Variants in BLM observed in about 807,000 individuals in gnomAD.
BLM encodes recQ-like DNA helicase BLM.
A neutral mutation model predicts 135.3 loss-of-function variants in BLM; 95 were observed. The observed-to-expected ratio is 0.70, with a 90% confidence interval of 0.59 to 0.83. The LOEUF is 0.83. Among genes scored for constraint, BLM ranks in the 40% least tolerant of loss-of-function variants. BLM has a pLI of 0.00. For synonymous variants in BLM, 520 were observed against 589.2 expected (o/e 0.88, Z 1.70); for missense variants, 1,518 against 1,663.9 (o/e 0.91, Z 1.53).
At chr15:90,725,101 G>A (rs913730862) in intron 1 of BLM, among the ~76,000 whole-genome samples, 39 of 152,196 alleles carry the variant, frequency 2.6e-4, no homozygotes, top group Admixed American at 7.2e-4. Flanking sequence ...TAGAGAGAGC[G>A]TTTTGCCATG....
intron 14 of BLM, among the ~76,000 whole-genome samples, chr15:90,788,479 T>TTTTTTTTTTTTTTTTG (rs1896813137): frequency 4.2e-5 from 6 of 144,476 alleles, no homozygotes; most frequent in African/African-American, 5.1e-5. Flanking sequence ...TTGTTTTTTT[T>TTTTTTTTTTTTTTTTG]TTTTTTTTTT....
chr15:90,782,489 T>G (rs1896641018), intron 12 of BLM, among the ~76,000 whole-genome samples: 1 of 152,206 alleles, frequency 6.6e-6, no homozygotes, highest in South Asian at 2.1e-4. Flanking sequence ...AGAAATTTAT[T>G]TCTCTTGGTT....
chr15:90,737,694 A>G (rs1006195392), intron 1 of BLM, among the ~76,000 whole-genome samples: 4 of 152,222 alleles, frequency 2.6e-5, no homozygotes, highest in Non-Finnish European at 5.9e-5. Context: ...AAGGAAATTT[A>G]TAGCTACAAA....
chr15:90,775,818 A>G (rs1179181556), intron 12 of BLM, among the ~76,000 whole-genome samples: 2 of 152,038 alleles, frequency 1.3e-5, no homozygotes. Context: ...ATAAGCATAC[A>G]TTTTGATTGA....
At chr15:90,774,604 C>T (rs375000672) in intron 12 of BLM, among the ~76,000 whole-genome samples, 8 of 150,858 alleles carry the variant, frequency 5.3e-5, no homozygotes, top group Admixed American at 2.6e-4. Context: ...GTGGCCGAGG[C>T]GGGTGGATCA....
intron 1 of BLM, among the ~76,000 whole-genome samples, chr15:90,731,726 T>C (rs986902050): frequency 6.6e-6 from 1 of 152,152 alleles, no homozygotes; most frequent in Non-Finnish European, 1.5e-5. Flanking sequence ...CGTCTTTCAA[T>C]CTCTTCTTTT....
Position 90,718,089 on chromosome 15 carries a change from C to T in BLM, c.-5+649C>T, listed in dbSNP as rs1894656304. 1.3e-5 allele frequency among the ~76,000 whole-genome samples: 2 copies of T among 152,164 alleles called. 1 individual carries two copies. Among genetic ancestry groups the T allele is most frequent in the Non-Finnish European group, 2.9e-5 (2 of 68,040 alleles). ...CATATGGGGGAAATGGTCTCTTCTA[C>T]TTCCTGGCGTTTTTGTTAGGATTAA... is the stretch of plus-strand genomic sequence containing the variant. On this transcript the variant is annotated intron_variant, in intron 1 of 21. Transcript: ENST00000355112.
At chr15:90,791,538 C>T (rs183754780) in intron 15 of BLM, among the ~76,000 whole-genome samples, 255 of 152,156 alleles carry the variant, frequency 1.7e-3, no homozygotes, top group Admixed American at 2.9e-3. Flanking sequence ...CTAATCCCCT[C>T]TTACTAGATC....
chr15:90,721,050 T>A (rs140953295), intron 1 of BLM, among the ~76,000 whole-genome samples: 1 of 152,346 alleles, frequency 6.6e-6, no homozygotes, highest in East Asian at 1.9e-4. Context: ...AATAAAAATC[T>A]AAATAAATTA....
Position 90,749,518 on chromosome 15 carries a change from C to CAAAGGGTCA in BLM, c.252_260dup (p.Arg85_Lys87dup). The CAAAGGGTCA allele has an allele frequency of 6.2e-7, 1 of 1,614,152 alleles. No homozygotes were observed. Among genetic ancestry groups the CAAAGGGTCA allele is most frequent in the African/African-American group, 1.3e-5 (1 of 75,056 alleles). On this transcript the variant is annotated inframe_insertion, in exon 3 of 22. Transcript: ENST00000355112. ...ACCTCTACCCAACACCACAAATCAG[C>CAAAGGGTCA]AAAGGGTCAAGGACTTCTTTAAAAA...
Position 90,784,952 on chromosome 15 carries a change from G to A in BLM, c.2694G>A (p.Arg898=), listed in dbSNP as rs2151179730. 6.2e-7 allele frequency: 1 copy of A among 1,614,016 alleles called. No homozygotes were observed. The change falls in exon 14 of 22, where the codon AGG becomes AGA. Residue 898 remains arginine, a synonymous_variant. Coordinates refer to ENST00000355112, the MANE Select transcript of BLM (RefSeq NM_000057.4). ...YDSGIIYCLS[R]RECDTMADTL... is the part of the protein sequence containing the mutation. ...CAGGGATAATTTACTGCCTCTCCAG[G>A]CGAGAATGTGACACCATGGCTGACA...
chr15:90,809,346 A>C, intron 20 of BLM, 87 bp downstream of exon 20: 1 of 1,595,292 alleles, frequency 6.3e-7, no homozygotes, highest in South Asian at 1.1e-5. Flanking sequence ...CAGTTGTGTG[A>C]ATGCTTCCTA....
chr15:90,750,006 G>T lies in BLM; in HGVS notation c.738G>T (p.Val246=). 1 of 1,614,202 alleles carries T rather than the reference G, an allele frequency of 6.2e-7. No individual in the cohort carries two copies. The highest frequency in any genetic ancestry group is 8.5e-7 in the Non-Finnish European group (1 of 1,180,034). The stretch of plus-strand genomic sequence containing the variant: ...TCGATGATGGCCCCATTGCTGAAGT[G>T]CATATAAATGAAGATGCTCAGGAAA... ...ICIDDGPIAE[V]HINEDAQESD... The change falls in exon 3 of 22, where the codon GTG becomes GTT. Residue 246 remains valine (V), a synonymous_variant. Transcript: ENST00000355112.
At chr15:90,766,423 T>C (rs984166137) in intron 9 of BLM, among the ~76,000 whole-genome samples, 2 of 152,120 alleles carry the variant, frequency 1.3e-5, no homozygotes, top group Non-Finnish European at 2.9e-5. Flanking sequence ...GTTATGCTTT[T>C]TTTTGTTTTG....
chr15:90,759,984 C>G (rs1183876558), intron 5 of BLM, 163 bp from the exon 6 acceptor site: 21 of 433,348 alleles, frequency 4.8e-5, no homozygotes, highest in East Asian at 1.9e-4. Context: ...GTGACAGGGT[C>G]TCACTGTGTT....
intron 12 of BLM, among the ~76,000 whole-genome samples, chr15:90,772,676 G>T (rs895553748): frequency 2.6e-5 from 4 of 152,198 alleles, no homozygotes; most frequent in Admixed American, 6.5e-5. Context: ...GCAGTGATTT[G>T]AGATGTAAAT....
rs2151146849 is a variant in BLM, at chr15:90,749,477, A to G, written c.209A>G (p.Asp70Gly). Residue 70 changes from aspartate (D) to glycine (G), a missense_variant, in exon 3 of 22, where the codon GAC becomes GGC. Physicochemically the swap from Asp to Gly is moderately conservative, Grantham distance 94. This residue lies in a region of BLM where 724 missense variants were observed against 756.9 expected (regional missense o/e 0.96). Transcript: ENST00000355112. ...AATAAAGATGTTAATGTTACCGAAG[A>G]CTTTTCCTTCAGTGAACCTCTACCC... ...LRNKDVNVTE[D>G]FSFSEPLPNT... is the part of the protein sequence containing the mutation. 2 of 1,613,694 alleles carry G rather than the reference A, an allele frequency of 1.2e-6. No homozygotes were observed. The highest frequency in any genetic ancestry group is 1.7e-6 in the Non-Finnish European group (2 of 1,179,586).
At chr15:90,796,774 C>G (rs1347125780) in intron 16 of BLM, among the ~76,000 whole-genome samples, 1 of 152,088 alleles carries the variant, frequency 6.6e-6, no homozygotes, top group Non-Finnish European at 1.5e-5. Flanking sequence ...TTATGTTTTG[C>G]CAGGTAATAT....
chr15:90,750,131 T>A, intron 3 of BLM, 64 bp downstream of exon 3: 1 of 1,525,852 alleles, frequency 6.6e-7, no homozygotes, highest in Non-Finnish European at 9.0e-7. Context: ...AGCTAGCCAT[T>A]GGGAATAGTC....
Sources: allele counts gnomAD v4.1 joint callset (sites outside exome capture counted in the v4.1 genomes callset), GRCh38; gene constraint gnomAD v4.1.1; regional missense constraint gnomAD v4.1.1; transcripts MANE v1.5; gene names NCBI Gene and HGNC (gene_info 2026-07-23, HGNC 2026-07-21).